The following PLD1 variants were observed in gnomAD, a reference collection of about 807,000 sequenced individuals.
PLD1 encodes choline phosphatase 1.
A neutral mutation model predicts 137.1 loss-of-function variants in PLD1; 112 were observed. That is an observed-to-expected ratio of 0.82 (90% CI 0.70 to 0.96). The LOEUF (loss-of-function observed/expected upper bound fraction) is 0.96. PLD1 is among the 40% of genes least tolerant of loss of function. The pLI, the probability that PLD1 is intolerant of heterozygous loss-of-function variation, is 0.00. For missense variants in PLD1, 1,321 were observed against 1,342.0 expected (o/e 0.98, Z 0.24); for synonymous variants, 431 against 454.7 (o/e 0.95, Z 0.66).
chr3:171,704,300 T>A (rs994015808), intron 11 of PLD1, among the ~76,000 whole-genome samples: 8 of 152,178 alleles, frequency 5.3e-5, no homozygotes, highest in African/African-American at 1.9e-4. Flanking sequence ...CATAAAAGGC[T>A]GGTTGGAACT....
In PLD1 at chr3:171,790,360, C is replaced by T. The variant is rs1723167157; in HGVS notation, c.-32+20039G>A. 2.0e-5 allele frequency among the ~76,000 whole-genome samples: 3 copies of T among 152,178 alleles called. No homozygotes were observed. In the South Asian group the frequency reaches 6.2e-4, roughly 32 times the overall value. Reference sequence around the variant, plus strand: ...CATGTAACCTACTAAGTCTGCATCTCTGGTAAACCCTGACTGATTCATGAT... The same window carrying T: ...CATGTAACCTACTAAGTCTGCATCTTTGGTAAACCCTGACTGATTCATGAT... On this transcript the variant is annotated intron_variant, in intron 1 of 26. Coordinates refer to ENST00000351298, the MANE Select transcript of PLD1 (RefSeq NM_002662.5).
In PLD1 at chr3:171,756,553, G is replaced by T. The variant is rs149151210; in HGVS notation, c.-31-18471C>A. On this transcript the variant is annotated intron_variant, in intron 1 of 26. Coordinates refer to ENST00000351298, the MANE Select transcript of PLD1 (RefSeq NM_002662.5). ...TGTGTGTCGACGGTGAGGTTCGGGGGGAAGAAAGGATGGAAGGGGTAATGA... is the reference window on the plus strand; with the variant it reads ...TGTGTGTCGACGGTGAGGTTCGGGGTGAAGAAAGGATGGAAGGGGTAATGA... 4.5e-3 allele frequency among the ~76,000 whole-genome samples: 687 copies of T among 152,256 alleles called. 4 individuals are homozygous for T. Among genetic ancestry groups the T allele is most frequent in the African/African-American group, 0.016 (659 of 41,554 alleles).
At chr3:171,682,086 C>A (rs530684850) in intron 16 of PLD1, among the ~76,000 whole-genome samples, 5 of 102,312 alleles carry the variant, frequency 4.9e-5, no homozygotes, top group African/African-American at 1.7e-4. Flanking sequence ...TATCCCAGAA[C>A]TTAAAGTATA....
At chr3:171,618,284 A>G (rs1238571712) in intron 24 of PLD1, among the ~76,000 whole-genome samples, 2 of 152,248 alleles carry the variant, frequency 1.3e-5, no homozygotes, top group Non-Finnish European at 2.9e-5. Flanking sequence ...TTTCCAGAAA[A>G]TAAGTCAATT....
intron 16 of PLD1, among the ~76,000 whole-genome samples, chr3:171,682,152 GA>G (rs1553819383): frequency 2.4e-5 from 2 of 82,056 alleles, no homozygotes; most frequent in East Asian, 2.7e-4. Flanking sequence ...AAGAAAGAAA[GA>G]AAGAAAGAAA....
chr3:171,654,403 AACAT>A (rs1291665940), intron 21 of PLD1: 1 of 206,040 alleles, frequency 4.9e-6, no homozygotes. Context: ...TTAATATTAA[AACAT>A]AGAAGCATTA....
Position 171,677,707 on chromosome 3 carries a change from C to A in PLD1, c.1868-13G>T. 3 of 1,612,686 alleles carry A rather than the reference C, an allele frequency of 1.9e-6. No homozygotes were observed. Among genetic ancestry groups the A allele is most frequent in the Middle Eastern group, 1.7e-4 (1 of 6,054 alleles). ...ATGGACCCGGTATCTGTGAATGCAG[C>A]AAGACCCCCTCAGAGACTGTGGTTC... On this transcript the variant is annotated splice_polypyrimidine_tract_variant and intron_variant, in intron 16 of 26. Transcript: ENST00000351298.
At chr3:171,626,802 T>A (rs1734154124) in intron 23 of PLD1, among the ~76,000 whole-genome samples, 1 of 152,204 alleles carries the variant, frequency 6.6e-6, no homozygotes, top group Non-Finnish European at 1.5e-5. Flanking sequence ...AAGCAAATGC[T>A]GAGACATTTT....
intron 1 of PLD1, among the ~76,000 whole-genome samples, chr3:171,799,099 G>A (rs200643263): frequency 5.3e-5 from 8 of 152,152 alleles, no homozygotes; most frequent in African/African-American, 1.7e-4. Context: ...CCAGCACTTC[G>A]GGAGGCCGAG....
At position 171,612,213 on chromosome 3, in the gene PLD1, C is replaced by CG; in HGVS notation, c.2882+65dup. On this transcript the variant is annotated intron_variant, in intron 25 of 26. Transcript: ENST00000351298. The surrounding 1 kb of genome is among the most constrained non-coding windows in gnomAD (Gnocchi z 4.1). ...GGATGACCCATGTGCTCAGGGCTAG[C>CG]GGGGCTGGGTCCCAGCGACTGCTGC... is the stretch of plus-strand genomic sequence containing the variant. 1 of 1,483,462 alleles carries CG rather than the reference C, an allele frequency of 6.7e-7. No individual in the cohort carries two copies. Among genetic ancestry groups the CG allele is most frequent in the Non-Finnish European group, 9.3e-7 (1 of 1,071,032 alleles). The allele number at this position is 1,483,462 out of a possible 1,614,324, so 91.9% of individuals were successfully genotyped here. A position where few individuals can be genotyped will look rare whatever the true frequency, so the allele number is the denominator to read the frequency against.
chr3:171,669,834 T>A (rs769603088), intron 19 of PLD1, among the ~76,000 whole-genome samples: 1 of 152,116 alleles, frequency 6.6e-6, no homozygotes, highest in Non-Finnish European at 1.5e-5. Context: ...GATACTGTCA[T>A]TTATGTTTTT....
At chr3:171,728,155 C>T (rs949502993) in intron 6 of PLD1, among the ~76,000 whole-genome samples, 2 of 152,064 alleles carry the variant, frequency 1.3e-5, no homozygotes, top group Non-Finnish European at 2.9e-5. Flanking sequence ...ACTAAAAATA[C>T]AAAAATTAGC....
intron 21 of PLD1, among the ~76,000 whole-genome samples, chr3:171,647,801 T>C (rs989434332): frequency 2.6e-5 from 4 of 152,162 alleles, no homozygotes; most frequent in Admixed American, 6.5e-5. Context: ...GTTGTACAAC[T>C]ATCATAATGA....
rs1448034812 is a variant in PLD1 at position 171,603,260 on chromosome 3, G to T, written c.3043C>A (p.Gln1015Lys). The T allele has an allele frequency of 2.5e-6, 4 of 1,613,980 alleles. No individual in the cohort carries two copies. In the East Asian group the frequency reaches 8.9e-5, roughly 36 times the overall value. ...GGCTTGTTTATAAAGTCTCTCAGCT[G>T]AATTAAATTGTGTACTTCATCATTG... is the stretch of plus-strand genomic sequence containing the variant. ...LPNDEVHNLI[Q>K]LRDFINKPVL... The change falls in exon 27 of 27, where the codon CAG becomes AAG. Residue 1015 changes from glutamine (Q) to lysine (K), a missense_variant. Gln to Lys is a moderately conservative substitution (Grantham distance 53, BLOSUM62 1). Transcript: ENST00000351298.
chr3:171,605,426 A>G lies in PLD1; in HGVS notation c.2883-10T>C. ...ATAGCCAAGGACAACCCTGAAATAC[A>G]AGTGACCTCCACATTGAGTAACTGA... is the stretch of plus-strand genomic sequence containing the variant. On this transcript the variant is annotated splice_polypyrimidine_tract_variant and intron_variant, in intron 25 of 26. Transcript: ENST00000351298. The G allele has an allele frequency of 1.3e-6, 2 of 1,492,164 alleles. No homozygotes were observed. The highest frequency in any genetic ancestry group is 1.9e-6 in the Non-Finnish European group (2 of 1,068,748). The allele number at this position is 1,492,164 out of a possible 1,614,324, so 92.4% of individuals were successfully genotyped here. A position where few individuals can be genotyped will look rare whatever the true frequency, so the allele number is the denominator to read the frequency against.
chr3:171,651,986 C>T (rs4894707), intron 21 of PLD1, among the ~76,000 whole-genome samples: 78,466 of 152,004 alleles, frequency 0.52, 21,568 homozygotes, highest in African/African-American at 0.72. Context: ...ATTTACATGA[C>T]CTAAATCAAA....
intron 1 of PLD1, among the ~76,000 whole-genome samples, chr3:171,769,413 G>A (rs183172426): frequency 2.6e-5 from 4 of 152,244 alleles, no homozygotes; most frequent in South Asian, 2.1e-4. Context: ...TGGACAAGTC[G>A]TTCCTTAAAA....
intron 8 of PLD1, among the ~76,000 whole-genome samples, chr3:171,723,060 T>C (rs746427188): frequency 3.9e-5 from 6 of 152,218 alleles, no homozygotes; most frequent in Non-Finnish European, 8.8e-5. Context: ...GTATTGACTA[T>C]AGTCACCTGT....
At chr3:171,619,852 G>A (rs1270855145) in intron 24 of PLD1, among the ~76,000 whole-genome samples, 1 of 151,816 alleles carries the variant, frequency 6.6e-6, no homozygotes, top group Non-Finnish European at 1.5e-5. Context: ...GGGAGACTGA[G>A]GTAGAAGAAT....
Sources: gnomAD v4.1 joint callset for allele counts (sites outside exome capture counted in the v4.1 genomes callset) on GRCh38, gnomAD v4.1.1 for gene constraint, Gnocchi (gnomAD v3.1) non-coding constraint, MANE v1.5 for transcripts, NCBI Gene and HGNC (gene_info 2026-07-23, HGNC 2026-07-21) for gene names.